NDST4: variants seen among roughly 807,000 people sequenced by gnomAD.
NDST4 encodes the protein N-heparan sulfate sulfotransferase 4.
A neutral mutation model predicts 100.8 loss-of-function variants in NDST4; 63 were observed. That is an observed-to-expected ratio of 0.62 (90% CI 0.51 to 0.77). The LOEUF is 0.77. NDST4 is among the 30% of genes least tolerant of loss of function. NDST4 has a pLI of 0.00. For synonymous variants in NDST4, 377 were observed against 361.8 expected (o/e 1.04, Z -0.48); for missense variants, 943 against 1,018.4 (o/e 0.93, Z 1.01).
intron 8 of NDST4, among the ~76,000 whole-genome samples, chr4:114,849,903 C>A (rs994421644): frequency 6.6e-6 from 1 of 152,036 alleles, no homozygotes; most frequent in Admixed American, 6.6e-5. Flanking sequence ...GAGGGGCATC[C>A]TCAAGAGCTT....
intron 4 of NDST4, among the ~76,000 whole-genome samples, chr4:114,938,801 G>T (rs1725687981): frequency 6.6e-6 from 1 of 152,114 alleles, no homozygotes; most frequent in South Asian, 2.1e-4. Flanking sequence ...GACCCTCATT[G>T]TATAGCCAAA....
chr4:115,044,688 T>A (rs1728427877), intron 2 of NDST4, among the ~76,000 whole-genome samples: 1 of 142,170 alleles, frequency 7.0e-6, no homozygotes, highest in East Asian at 2.0e-4. Flanking sequence ...TGAGTAAAAG[T>A]CAGCAGGAAG....
In NDST4 at chr4:114,837,248, G is replaced by A. The variant is rs189298484; in HGVS notation, c.2286+2130C>T. Among the ~76,000 whole-genome samples, 497 of 152,100 alleles carry A rather than the reference G, an allele frequency of 3.3e-3. 3 individuals are homozygous for A. The highest frequency in any genetic ancestry group is 0.011 in the African/African-American group (451 of 41,472). Reference sequence around the variant, plus strand: ...TTTGCACTGGTTTTTCCTCATCTTCGTGGATTTATCTACCTTTGATCTTTG... The same window carrying A: ...TTTGCACTGGTTTTTCCTCATCTTCATGGATTTATCTACCTTTGATCTTTG... On this transcript the variant is annotated intron_variant, in intron 11 of 13. Coordinates refer to ENST00000264363, the MANE Select transcript of NDST4 (RefSeq NM_022569.3).
At chr4:115,033,186 C>G (rs1728160145) in intron 2 of NDST4, among the ~76,000 whole-genome samples, 1 of 141,484 alleles carries the variant, frequency 7.1e-6, no homozygotes, top group Non-Finnish European at 1.5e-5. Flanking sequence ...CAGGGTCTCA[C>G]TCTTTTGCCC....
At chr4:114,961,628 A>G (rs1726265773) in intron 4 of NDST4, among the ~76,000 whole-genome samples, 1 of 152,056 alleles carries the variant, frequency 6.6e-6, no homozygotes, top group Non-Finnish European at 1.5e-5. Flanking sequence ...CAAACTACTG[A>G]AATTGACTCA....
intron 2 of NDST4, among the ~76,000 whole-genome samples, chr4:115,026,873 T>C (rs1727997708): frequency 6.6e-6 from 1 of 152,132 alleles, no homozygotes; most frequent in African/African-American, 2.4e-5. Context: ...GATAGTTTTA[T>C]GGGAGATGAA....
chr4:114,991,196 A>AT (rs1560847701), intron 2 of NDST4, among the ~76,000 whole-genome samples: 1 of 152,082 alleles, frequency 6.6e-6, no homozygotes, highest in Admixed American at 6.6e-5. Flanking sequence ...TCTCGAGACC[A>AT]TGGTGCACTT....
intron 6 of NDST4, among the ~76,000 whole-genome samples, chr4:114,912,048 C>A (rs1247509496): frequency 6.6e-6 from 1 of 152,104 alleles, no homozygotes; most frequent in African/African-American, 2.4e-5. Flanking sequence ...TGGTGCAAAG[C>A]TTTCTAACAT....
chr4:114,929,089 C>T (rs6848946), intron 6 of NDST4, among the ~76,000 whole-genome samples: 2 of 111,954 alleles, frequency 1.8e-5, no homozygotes, highest in African/African-American at 6.5e-5. Flanking sequence ...TCCATCCATC[C>T]ATCCATCCAT....
At chr4:115,102,080 T>G (rs1306653433) in intron 1 of NDST4, among the ~76,000 whole-genome samples, 1 of 150,192 alleles carries the variant, frequency 6.7e-6, no homozygotes, top group African/African-American at 2.5e-5. Context: ...TCTGTACACT[T>G]AAGTTAAATC....
chr4:114,936,388 T>C (rs995998076), intron 5 of NDST4, among the ~76,000 whole-genome samples: 1 of 152,174 alleles, frequency 6.6e-6, no homozygotes, highest in Non-Finnish European at 1.5e-5. Flanking sequence ...TGGTTAGATA[T>C]ATGTGTGTGC....
chr4:114,928,838 C>G (rs1026478302), intron 6 of NDST4, among the ~76,000 whole-genome samples: 5 of 152,076 alleles, frequency 3.3e-5, no homozygotes, highest in Non-Finnish European at 7.4e-5. Flanking sequence ...CCTTTGAACT[C>G]TAACTGTAAT....
At chr4:114,956,360 A>G (rs1420363798) in intron 4 of NDST4, among the ~76,000 whole-genome samples, 1 of 152,184 alleles carries the variant, frequency 6.6e-6, no homozygotes, top group Non-Finnish European at 1.5e-5. Context: ...AGTGTGAAGA[A>G]CTTTCAGCCT....
chr4:114,929,105 C>T (rs6848955), intron 6 of NDST4, among the ~76,000 whole-genome samples: 19,183 of 120,676 alleles, frequency 0.16, 1,782 homozygotes, highest in African/African-American at 0.25. Context: ...TCCATCCATC[C>T]ATCCATCCAT....
intron 2 of NDST4, among the ~76,000 whole-genome samples, chr4:115,011,837 C>T (rs1288648821): frequency 6.6e-6 from 1 of 151,816 alleles, no homozygotes; most frequent in Non-Finnish European, 1.5e-5. Context: ...ATAGTTACAT[C>T]GCCCTTGATG....
intron 2 of NDST4, among the ~76,000 whole-genome samples, chr4:115,063,632 A>G (rs1250012231): frequency 6.6e-6 from 1 of 151,520 alleles, no homozygotes; most frequent in Non-Finnish European, 1.5e-5. Context: ...GAGGCTCATT[A>G]TAATCTGAGC....
At chr4:115,024,268 T>C (rs1429315098) in intron 2 of NDST4, among the ~76,000 whole-genome samples, 4 of 152,030 alleles carry the variant, frequency 2.6e-5, no homozygotes, top group African/African-American at 2.4e-5. Flanking sequence ...CCTAGAACTG[T>C]AGAGTTACCA....
At chr4:114,855,450 G>A (rs940424009) in intron 7 of NDST4, among the ~76,000 whole-genome samples, 1 of 152,148 alleles carries the variant, frequency 6.6e-6, no homozygotes, top group African/African-American at 2.4e-5. Context: ...TTTATTTTGT[G>A]TACGGAGAGA....
At chr4:114,842,612 C>A (rs1276159137) in intron 10 of NDST4, 2 of 105,498 alleles carry the variant, frequency 1.9e-5, no homozygotes, top group East Asian at 3.2e-4. Flanking sequence ...GAAAACCAGT[C>A]TCTACTAAAA....
Sources: gnomAD v4.1 joint callset for allele counts (sites outside exome capture counted in the v4.1 genomes callset) on GRCh38, gnomAD v4.1.1 for gene constraint, MANE v1.5 for transcripts, NCBI Gene and HGNC (gene_info 2026-07-23, HGNC 2026-07-21) for gene names.